The following NPEPPS variants were observed in gnomAD, a reference collection of about 807,000 sequenced individuals.
NPEPPS encodes the protein aminopeptidase puromycin sensitive.
NPEPPS carries 14 observed loss-of-function variants against 115.5 expected under a neutral mutation model. That is an observed-to-expected ratio of 0.12 (90% CI 0.08 to 0.19). The LOEUF (loss-of-function observed/expected upper bound fraction) is 0.19. Ranked by LOEUF, NPEPPS falls within the 10% of genes least tolerant of loss-of-function variation. The probability of loss-of-function intolerance (pLI) is 1.00; values close to 1 mark genes in which losing one functional copy is unlikely to be tolerated. For synonymous variants in NPEPPS, 285 were observed against 390.6 expected (o/e 0.73, Z 3.19); for missense variants, 523 against 1,110.8 (o/e 0.47, Z 7.52).
chr17:47,596,545 T>G (rs1912890225), intron 13 of NPEPPS, 83 bp downstream of exon 13: 2 of 794,784 alleles, frequency 2.5e-6, no homozygotes, highest in African/African-American at 1.8e-5. Flanking sequence ...TTTTCTGTAC[T>G]TTAAGTTTTC....
intron 3 of NPEPPS, among the ~76,000 whole-genome samples, chr17:47,575,190 C>G (rs1911439090): frequency 6.6e-6 from 1 of 152,184 alleles, no homozygotes; most frequent in South Asian, 2.1e-4. Context: ...CTCCATTCCT[C>G]AACAGAATGA....
chr17:47,539,594 A>G (rs1908604878), intron 1 of NPEPPS, among the ~76,000 whole-genome samples: 1 of 152,138 alleles, frequency 6.6e-6, no homozygotes, highest in African/African-American at 2.4e-5. Context: ...CCCTGCCTCT[A>G]GAAGTAACTT....
chr17:47,596,857 G>A lies in NPEPPS; in HGVS notation c.1536+395G>A, dbSNP rs534780165. 9.2e-5 allele frequency among the ~76,000 whole-genome samples: 14 copies of A among 152,248 alleles called. No individual in the cohort carries two copies. In the South Asian group the frequency reaches 2.9e-3, roughly 32 times the overall value. ...GAGGTCGGGAGTTTGAGGCCAGCCC[G>A]GCCAATGTAGTAAAACCCTGTCTCT... On this transcript the variant is annotated intron_variant, in intron 13 of 22. Transcript: ENST00000322157.
At chr17:47,543,099 C>G (rs1346250634) in intron 1 of NPEPPS, among the ~76,000 whole-genome samples, 1 of 148,024 alleles carries the variant, frequency 6.8e-6, no homozygotes, top group Non-Finnish European at 1.5e-5. Flanking sequence ...ATCGCAAGAT[C>G]GCATCATTGG....
chr17:47,605,245 G>A, intron 16 of NPEPPS, 88 bp from the exon 17 acceptor site: 2 of 848,076 alleles, frequency 2.4e-6, no homozygotes, highest in Non-Finnish European at 3.7e-6. Flanking sequence ...CAAAGAAATT[G>A]CTAGCAGTAG....
At chr17:47,540,134 C>T (rs915609395) in intron 1 of NPEPPS, among the ~76,000 whole-genome samples, 1 of 152,078 alleles carries the variant, frequency 6.6e-6, no homozygotes, top group African/African-American at 2.4e-5. Flanking sequence ...TACCAGGCGT[C>T]AAGCTGCCTC....
In NPEPPS at chr17:47,622,912, G is replaced by A. The variant is rs1037339241; in HGVS notation, c.*992G>A. ...TTCTCCCGGTTCATTTTATGCGTGC[G>A]AGAAGTCAGTGGTAACTGCTGCAGG... is the stretch of plus-strand genomic sequence containing the variant. On this transcript the variant is annotated 3_prime_UTR_variant, in exon 23 of 23. Transcript: ENST00000322157. 2 of 455,864 alleles carry A rather than the reference G, an allele frequency of 4.4e-6. No individual in the cohort carries two copies. Among genetic ancestry groups the A allele is most frequent in the East Asian group, 6.9e-5 (1 of 14,406 alleles). 28.2% of individuals were successfully genotyped at this position (455,864 alleles called of 1,614,324 possible). A position where few individuals can be genotyped will look rare whatever the true frequency, so the allele number is the denominator to read the frequency against.
chr17:47,525,498 C>T (rs62073967), intron 1 of NPEPPS, among the ~76,000 whole-genome samples: 1 of 152,154 alleles, frequency 6.6e-6, no homozygotes, highest in Admixed American at 6.5e-5. Flanking sequence ...CATGCAACAC[C>T]ACGCCCAGCT....
intron 3 of NPEPPS, among the ~76,000 whole-genome samples, chr17:47,570,069 T>G (rs2143804476): frequency 6.6e-6 from 1 of 152,242 alleles, no homozygotes; most frequent in South Asian, 2.1e-4. Context: ...GGACAAAAAC[T>G]AAAGATCATT....
chr17:47,606,640 G>A lies in NPEPPS; in HGVS notation c.2095+1088G>A, dbSNP rs144966022. On this transcript the variant is annotated intron_variant, in intron 17 of 22. Transcript: ENST00000322157. The stretch of plus-strand genomic sequence containing the variant: ...GTATTTTTAGTAGAGACGAGGTTTC[G>A]CCATGTTGGCCAGGCTGGTCTTGAA... 4.3e-3 allele frequency among the ~76,000 whole-genome samples: 658 copies of A among 151,796 alleles called. 7 individuals carry two copies. The highest frequency in any genetic ancestry group is 0.014 in the Middle Eastern group (4 of 294).
At chr17:47,610,464 ACCT>A (rs985943311) in intron 17 of NPEPPS, among the ~76,000 whole-genome samples, 1 of 151,328 alleles carries the variant, frequency 6.6e-6, no homozygotes, top group Non-Finnish European at 1.5e-5. Flanking sequence ...GCTCACTGCA[ACCT>A]CCGCCTCCTG....
chr17:47,592,106 A>G, intron 11 of NPEPPS, 46 bp downstream of exon 11: 1 of 1,154,378 alleles, frequency 8.7e-7, no homozygotes, highest in Non-Finnish European at 1.3e-6. Flanking sequence ...GTGAAATCAT[A>G]AGAGTTTTGC....
At chr17:47,527,609 G>A (rs1907488322), upstream of NPEPPS, among the ~76,000 whole-genome samples, 1 of 151,438 alleles carries the variant, frequency 6.6e-6, no homozygotes. Context: ...TGTAATCCCA[G>A]CCCTTAGGGA....
At chr17:47,524,167 C>T (rs1256340967) in intron 1 of NPEPPS, among the ~76,000 whole-genome samples, 1 of 151,688 alleles carries the variant, frequency 6.6e-6, no homozygotes, top group Non-Finnish European at 1.5e-5. Context: ...ATTAGCTGGG[C>T]GTGGTGGCAG....
At chr17:47,532,081 CT>C (rs1462646010) in intron 1 of NPEPPS, among the ~76,000 whole-genome samples, 2 of 151,924 alleles carry the variant, frequency 1.3e-5, no homozygotes, top group Non-Finnish European at 2.9e-5. Flanking sequence ...AGGGGAGCTT[CT>C]AGAAGGGGGG....
chr17:47,542,121 C>CT (rs1908810522), intron 1 of NPEPPS, among the ~76,000 whole-genome samples: 1 of 152,134 alleles, frequency 6.6e-6, no homozygotes, highest in African/African-American at 2.4e-5. Flanking sequence ...GTTCAGTTGT[C>CT]TAAGAGCATT....
At chr17:47,589,149 G>A (rs1432258914) in intron 9 of NPEPPS, among the ~76,000 whole-genome samples, 1 of 151,824 alleles carries the variant, frequency 6.6e-6, no homozygotes, top group African/African-American at 2.4e-5. Context: ...GTTTCACTTT[G>A]TTGCCTAAAC....
intron 19 of NPEPPS, among the ~76,000 whole-genome samples, chr17:47,618,030 C>T (rs1210572799): frequency 1.3e-5 from 2 of 152,066 alleles, no homozygotes; most frequent in East Asian, 1.9e-4. Context: ...GGCACCACCA[C>T]GCCCGGCTAA....
chr17:47,608,517 T>C (rs1913653924), intron 17 of NPEPPS, among the ~76,000 whole-genome samples: 2 of 151,178 alleles, frequency 1.3e-5, no homozygotes, highest in Admixed American at 1.3e-4. Context: ...CTCACACCTG[T>C]AATCCAGCTA....
Sources: allele counts gnomAD v4.1 joint callset (sites outside exome capture counted in the v4.1 genomes callset), GRCh38; gene constraint gnomAD v4.1.1; transcripts MANE v1.5; gene names NCBI Gene and HGNC (gene_info 2026-07-23, HGNC 2026-07-21).